The following DUSP28 variants were observed in gnomAD, a reference collection of about 807,000 sequenced individuals.
The protein encoded by DUSP28 is dual specificity phosphatase 28.
A neutral mutation model predicts 8.4 loss-of-function variants in DUSP28; 11 were observed. The observed-to-expected ratio is 1.31, with a 90% CI of 0.83 to 2.17. DUSP28 has a LOEUF of 2.17. Among genes scored for constraint, DUSP28 ranks in the 30% most tolerant of loss-of-function variants. The pLI, the probability that DUSP28 is intolerant of heterozygous loss-of-function variation, is 0.00. For missense variants in DUSP28, 373 were observed against 270.4 expected (o/e 1.38, Z -2.66); for synonymous variants, 178 against 130.9 (o/e 1.36, Z -2.46).
Position 240,564,895 on chromosome 2 carries a change from C to T in DUSP28, c.*3428C>T, listed in dbSNP as rs1370062863. On this transcript the variant is annotated 3_prime_UTR_variant, in exon 2 of 2. Coordinates refer to ENST00000405954, the MANE Select transcript of DUSP28 (RefSeq NM_001370465.2). ...ACCCGGGAGGCCTCCAGCATCTGCACCCCTCTCCTACTTTGATCTCTGTTT... is the reference window on the plus strand; with the variant it reads ...ACCCGGGAGGCCTCCAGCATCTGCATCCCTCTCCTACTTTGATCTCTGTTT... 1.3e-5 allele frequency among the ~76,000 whole-genome samples: 2 copies of T among 152,218 alleles called. No homozygotes were observed. The highest frequency in any genetic ancestry group is 2.9e-5 in the Non-Finnish European group (2 of 68,032).
At position 240,560,726 on chromosome 2, in the gene DUSP28, C is replaced by G. The variant is rs747476568; in HGVS notation, c.42C>G (p.Pro14=). 1 of 1,522,922 alleles carries G rather than the reference C, an allele frequency of 6.6e-7. No homozygotes were observed. Among genetic ancestry groups the G allele is most frequent in the Non-Finnish European group, 8.7e-7 (1 of 1,147,346 alleles). 94.3% of individuals were successfully genotyped at this position (1,522,922 alleles called of 1,614,324 possible). A position where few individuals can be genotyped will look rare whatever the true frequency, so the allele number is the denominator to read the frequency against. Residue 14 remains proline (P), a synonymous_variant, in exon 1 of 2, where the codon CCC becomes CCG. Transcript: ENST00000405954. The part of the protein sequence containing the change: ...AEAGRRGAAS[P]VPPPLVRVAP... ...CTGGGCGCCGCGGGGCCGCCTCGCCCGTACCTCCACCGTTGGTGCGCGTCG... is the reference window on the plus strand; with the variant it reads ...CTGGGCGCCGCGGGGCCGCCTCGCCGGTACCTCCACCGTTGGTGCGCGTCG...
chr2:240,561,291 G>T (rs76363789), intron 1 of DUSP28, 39 bp from the exon 2 acceptor site: 6 of 1,612,916 alleles, frequency 3.7e-6, no homozygotes, highest in South Asian at 1.1e-5. Flanking sequence ...CTGGCCATTA[G>T]CGCGACTTGG....
Position 240,561,766 on chromosome 2 carries a change from G to T in DUSP28, c.*299G>T. The stretch of plus-strand genomic sequence containing the variant: ...GTGCCGGCGCATTCTACCAGTCTCA[G>T]GGAAGGACATGAGTACAGACTACAG... On this transcript the variant is annotated 3_prime_UTR_variant, in exon 2 of 2. Transcript: ENST00000405954. 2.8e-6 allele frequency: 1 copy of T among 362,100 alleles called. No individual in the cohort carries two copies. The highest frequency in any genetic ancestry group is 5.1e-6 in the Non-Finnish European group (1 of 197,920). 22.4% of individuals were successfully genotyped at this position (362,100 alleles called of 1,614,324 possible). A position where few individuals can be genotyped will look rare whatever the true frequency, so the allele number is the denominator to read the frequency against.
chr2:240,561,596 A>G lies in DUSP28; in HGVS notation c.*129A>G. 8.2e-7 allele frequency: 1 copy of G among 1,224,562 alleles called. No homozygotes were observed. Among genetic ancestry groups the G allele is most frequent in the Non-Finnish European group, 1.1e-6 (1 of 929,624 alleles). The allele number at this position is 1,224,562 out of a possible 1,614,324, so 75.9% of individuals were successfully genotyped here. ...TGTGTGTGTGAAACATAGTGCTTTT[A>G]ATTTTATATTTCCGGCTGAGGTGAT... On this transcript the variant is annotated 3_prime_UTR_variant, in exon 2 of 2. Transcript: ENST00000405954.
Position 240,560,412 on chromosome 2 carries a change from A to C in DUSP28, c.-273A>C. 9.5e-6 allele frequency: 3 copies of C among 314,638 alleles called. No homozygotes were observed. Among genetic ancestry groups the C allele is most frequent in the Non-Finnish European group, 1.1e-5 (2 of 178,426 alleles). 19.5% of individuals were successfully genotyped at this position (314,638 alleles called of 1,614,324 possible). ...GGGGCGGGGAGGACGGCGCCCGGGG[A>C]CAGAGAACATGGGACGCAGAGCGGT... On this transcript the variant is annotated 5_prime_UTR_variant, in exon 1 of 2. Coordinates refer to ENST00000405954, the MANE Select transcript of DUSP28 (RefSeq NM_001370465.2).
rs2092968477 is a variant in DUSP28 at position 240,561,926 on chromosome 2, G to A, written c.*459G>A. On this transcript the variant is annotated 3_prime_UTR_variant, in exon 2 of 2. Coordinates refer to ENST00000405954, the MANE Select transcript of DUSP28 (RefSeq NM_001370465.2). The stretch of plus-strand genomic sequence containing the variant: ...TCTGTTTGAGAAAATGCATACCCAC[G>A]TGGGACATTTAGATCAAGAAAGCTG... The A allele has an allele frequency of 6.5e-6, 1 of 154,632 alleles. No homozygotes were observed. Among genetic ancestry groups the A allele is most frequent in the South Asian group, 1.8e-4 (1 of 5,574 alleles). The allele number at this position is 154,632 out of a possible 1,614,324, so 9.6% of individuals were successfully genotyped here.
At position 240,561,512 on chromosome 2, in the gene DUSP28, T is replaced by C. The variant is rs2092958693; in HGVS notation, c.*45T>C. On this transcript the variant is annotated 3_prime_UTR_variant, in exon 2 of 2. Transcript: ENST00000405954. Reference sequence around the variant, plus strand: ...TGGAGGAAGGATGTCCCTGCACTGATACAGAAGGCTGGTCTTTACCCTTCT... The same window carrying C: ...TGGAGGAAGGATGTCCCTGCACTGACACAGAAGGCTGGTCTTTACCCTTCT... The C allele has an allele frequency of 1.3e-6, 2 of 1,573,994 alleles. No individual in the cohort carries two copies. Among genetic ancestry groups the C allele is most frequent in the African/African-American group, 1.4e-5 (1 of 73,370 alleles).
At position 240,560,511 on chromosome 2, in the gene DUSP28, T is replaced by C. The variant is rs2125407668; in HGVS notation, c.-174T>C. On this transcript the variant is annotated 5_prime_UTR_variant, in exon 1 of 2. Coordinates refer to ENST00000405954, the MANE Select transcript of DUSP28 (RefSeq NM_001370465.2). ...GCCCCAACGAGACCCAAGCCCCCTG[T>C]CCCGGCCCAGCGCCCGCGGGGGACC... The C allele has an allele frequency of 9.8e-7, 1 of 1,024,612 alleles. No individual in the cohort carries two copies. The highest frequency in any genetic ancestry group is 1.3e-6 in the Non-Finnish European group (1 of 782,030). The allele number at this position is 1,024,612 out of a possible 1,614,324, so 63.5% of individuals were successfully genotyped here.
chr2:240,561,108 G>T, intron 1 of DUSP28, 31 bp downstream of exon 1: 1 of 1,461,504 alleles, frequency 6.8e-7, no homozygotes, highest in South Asian at 1.4e-5. Flanking sequence ...GCGGTGTTTC[G>T]AGAGGGGCGT....
At chr2:240,560,333 G>T, upstream of DUSP28, 1 of 192,764 alleles carries the variant, frequency 5.2e-6, no homozygotes. Flanking sequence ...CAGTAGAGCG[G>T]GCAGGGCGCT....
Position 240,563,945 on chromosome 2 carries a change from A to G in DUSP28, c.*2478A>G, listed in dbSNP as rs1319170196. On this transcript the variant is annotated 3_prime_UTR_variant, in exon 2 of 2. Coordinates refer to ENST00000405954, the MANE Select transcript of DUSP28 (RefSeq NM_001370465.2). ...ATCATAAGAATAATCATCAAAGGCA[A>G]GAGGGTTGTATATTTTCCCGTTGGA... 6.6e-6 allele frequency: 1 copy of G among 152,386 alleles called. No homozygotes were observed. Among genetic ancestry groups the G allele is most frequent in the Admixed American group, 6.5e-5 (1 of 15,286 alleles). The allele number at this position is 152,386 out of a possible 1,614,324, so 9.4% of individuals were successfully genotyped here.
rs2092889164 is a variant in DUSP28, at chr2:240,560,590, G to T, written c.-95G>T. 1.5e-6 allele frequency: 2 copies of T among 1,325,160 alleles called. No homozygotes were observed. 82.1% of individuals were successfully genotyped at this position (1,325,160 alleles called of 1,614,324 possible). A position where few individuals can be genotyped will look rare whatever the true frequency, so the allele number is the denominator to read the frequency against. On this transcript the variant is annotated 5_prime_UTR_variant, in exon 1 of 2. Transcript: ENST00000405954. ...CCTCTAGGACCCGGGGGCGCCCGGCGGCCCGCCCGGCTCCCACAAATAGAC... is the reference window on the plus strand; with the variant it reads ...CCTCTAGGACCCGGGGGCGCCCGGCTGCCCGCCCGGCTCCCACAAATAGAC...
rs1297708746 is a variant in DUSP28, at chr2:240,564,925, A to G, written c.*3458A>G. ...CTCCTACTTTGATCTCTGTTTCACC[A>G]ACATTGCACCCCAACTTAAGGTCAC... On this transcript the variant is annotated 3_prime_UTR_variant, in exon 2 of 2. Coordinates refer to ENST00000405954, the MANE Select transcript of DUSP28 (RefSeq NM_001370465.2). Among the ~76,000 whole-genome samples, 1 of 152,192 alleles carries G rather than the reference A, an allele frequency of 6.6e-6. No individual in the cohort carries two copies. Among genetic ancestry groups the G allele is most frequent in the Non-Finnish European group, 1.5e-5 (1 of 68,018 alleles).
In DUSP28 at chr2:240,560,664, G is replaced by C. The variant is rs780981556; in HGVS notation, c.-21G>C. 2 of 1,499,370 alleles carry C rather than the reference G, an allele frequency of 1.3e-6. No homozygotes were observed. The highest frequency in any genetic ancestry group is 8.8e-7 in the Non-Finnish European group (1 of 1,135,738). 92.9% of individuals were successfully genotyped at this position (1,499,370 alleles called of 1,614,324 possible). A position where few individuals can be genotyped will look rare whatever the true frequency, so the allele number is the denominator to read the frequency against. On this transcript the variant is annotated 5_prime_UTR_variant, in exon 1 of 2. Transcript: ENST00000405954. ...CAAAATAGATCCTCAGGGCCCAAAA[G>C]CAGACTCTTCGGCGGGCGCCATGGG...
chr2:240,563,213 T>G lies in DUSP28; in HGVS notation c.*1746T>G, dbSNP rs573629577. 6.6e-6 allele frequency: 1 copy of G among 152,098 alleles called. No individual in the cohort carries two copies. Among genetic ancestry groups the G allele is most frequent in the Non-Finnish European group, 1.5e-5 (1 of 68,024 alleles). 9.4% of individuals were successfully genotyped at this position (152,098 alleles called of 1,614,324 possible). On this transcript the variant is annotated 3_prime_UTR_variant, in exon 2 of 2. Transcript: ENST00000405954. ...CAGTGATCCACTGAGCATTTCTTTT[T>G]TTTTTTTCTTGAGACGGAGTCTCAC...
Position 240,560,891 on chromosome 2 carries a change from C to T in DUSP28, c.207C>T (p.Pro69=), listed in dbSNP as rs544076250. ...CCGGCGTGGCAGAGCTGCGCGTGCC[C>T]GTGTTCGACGACCCGGCTGAGGACC... ...RAPGVAELRV[P]VFDDPAEDLL... is the part of the protein sequence containing the mutation. The change falls in exon 1 of 2, where the codon CCC becomes CCT. Residue 69 remains proline, a synonymous_variant. Transcript: ENST00000405954. 5 of 1,516,910 alleles carry T rather than the reference C, an allele frequency of 3.3e-6. No individual in the cohort carries two copies. The African/African-American group carries it at 7.2e-5, about 22-fold the overall frequency. 94.0% of individuals were successfully genotyped at this position (1,516,910 alleles called of 1,614,324 possible). A position where few individuals can be genotyped will look rare whatever the true frequency, so the allele number is the denominator to read the frequency against.
rs1363175048 is a variant in DUSP28 at position 240,561,562 on chromosome 2, C to T, written c.*95C>T. 2.8e-6 allele frequency: 4 copies of T among 1,451,596 alleles called. No homozygotes were observed. Among genetic ancestry groups the T allele is most frequent in the South Asian group, 1.4e-5 (1 of 73,406 alleles). 89.9% of individuals were successfully genotyped at this position (1,451,596 alleles called of 1,614,324 possible). ...TTCCTCACTGTCATATCGAGTTTTC[C>T]TTTGTGTGTGTGTGTGTGAAACATA... On this transcript the variant is annotated 3_prime_UTR_variant, in exon 2 of 2. Transcript: ENST00000405954.
chr2:240,560,785 C>T lies in DUSP28; in HGVS notation c.101C>T (p.Ala34Val). The T allele has an allele frequency of 6.9e-7, 1 of 1,458,742 alleles. No homozygotes were observed. The highest frequency in any genetic ancestry group is 9.0e-7 in the Non-Finnish European group (1 of 1,113,124). 90.4% of individuals were successfully genotyped at this position (1,458,742 alleles called of 1,614,324 possible). A position where few individuals can be genotyped will look rare whatever the true frequency, so the allele number is the denominator to read the frequency against. Reference protein sequence around the residue: ...PSLFLGSARAAGAEEQLARAG... With the variant: ...PSLFLGSARAVGAEEQLARAG... ...CTCTTCCTCGGGAGCGCGCGAGCCG[C>T]GGGCGCGGAGGAGCAGCTGGCGCGC... Residue 34 changes from alanine to valine, a missense_variant, in exon 1 of 2, where the codon GCG (alanine) becomes GTG (valine). Coordinates refer to ENST00000405954, the MANE Select transcript of DUSP28 (RefSeq NM_001370465.2).
In DUSP28 at chr2:240,561,314, C is replaced by T. The variant is rs531037555; in HGVS notation, c.394-16C>T. 1 of 1,613,782 alleles carries T rather than the reference C, an allele frequency of 6.2e-7. No individual in the cohort carries two copies. Among genetic ancestry groups the T allele is most frequent in the Non-Finnish European group, 8.5e-7 (1 of 1,180,036 alleles). ...TAGCGCGACTTGGGGTTATTCAGTACACTTCTTGTTTGCAGATGGTGAAGA... is the reference window on the plus strand; with the variant it reads ...TAGCGCGACTTGGGGTTATTCAGTATACTTCTTGTTTGCAGATGGTGAAGA... On this transcript the variant is annotated splice_polypyrimidine_tract_variant and intron_variant, in intron 1 of 1. Coordinates refer to ENST00000405954, the MANE Select transcript of DUSP28 (RefSeq NM_001370465.2).
Sources: gnomAD v4.1 joint callset for allele counts (sites outside exome capture counted in the v4.1 genomes callset) on GRCh38, gnomAD v4.1.1 for gene constraint, MANE v1.5 for transcripts, NCBI Gene and HGNC (gene_info 2026-07-23, HGNC 2026-07-21) for gene names.